The following KCNK2 variants were observed in gnomAD, a reference collection of about 807,000 sequenced individuals.
KCNK2 encodes the protein potassium channel subfamily K member 2.
A neutral mutation model predicts 40.5 loss-of-function variants in KCNK2; 21 were observed. That is an observed-to-expected ratio of 0.52 (90% CI 0.37 to 0.75). KCNK2 has a LOEUF of 0.75. Among genes scored for constraint, KCNK2 ranks in the 30% least tolerant of loss-of-function variants. The pLI, the probability that KCNK2 is intolerant of heterozygous loss-of-function variation, is 0.00. For missense variants in KCNK2, 399 were observed against 531.6 expected (o/e 0.75, Z 2.45); for synonymous variants, 191 against 202.2 (o/e 0.94, Z 0.47).
chr1:215,223,711 T>C (rs1302826763), intron 6 of KCNK2, among the ~76,000 whole-genome samples: 2 of 152,206 alleles, frequency 1.3e-5, no homozygotes, highest in African/African-American at 4.8e-5. Context: ...GGTAGCTGAC[T>C]GCAAATAATT....
chr1:215,230,476 TATACAC>T (rs772603698), intron 6 of KCNK2, among the ~76,000 whole-genome samples: 4 of 125,856 alleles, frequency 3.2e-5, no homozygotes, highest in African/African-American at 1.0e-4. Flanking sequence ...TAGATATATA[TATACAC>T]ACACACACAC....
upstream of KCNK2, among the ~76,000 whole-genome samples, chr1:215,080,864 C>T (rs1015318910): frequency 6.6e-6 from 1 of 152,130 alleles, no homozygotes; most frequent in Non-Finnish European, 1.5e-5. Context: ...TAATCAAACA[C>T]GAATCTAAAA....
intron 2 of KCNK2, among the ~76,000 whole-genome samples, chr1:215,091,900 T>C (rs1174945816): frequency 6.6e-6 from 1 of 152,064 alleles, no homozygotes; most frequent in East Asian, 1.9e-4. Flanking sequence ...ACTACAAGGA[T>C]GCTGGGATGG....
chr1:215,017,757 A>G (rs1656642245), intron 1 of KCNK2, among the ~76,000 whole-genome samples: 1 of 152,212 alleles, frequency 6.6e-6, no homozygotes. Flanking sequence ...ATGTGAGGTA[A>G]CGCATACATT....
At chr1:215,149,076 T>C (rs895171740) in intron 3 of KCNK2, among the ~76,000 whole-genome samples, 1 of 152,116 alleles carries the variant, frequency 6.6e-6, no homozygotes, top group African/African-American at 2.4e-5. Context: ...CTACAGAATA[T>C]CAAAACTGAA....
chr1:215,007,031 ATATATATGTGTG>A (rs1656160660), intron 1 of KCNK2, among the ~76,000 whole-genome samples: 1 of 79,300 alleles, frequency 1.3e-5, no homozygotes, highest in African/African-American at 5.6e-5. Context: ...ATATATATAT[ATATATATGTGTG>A]TGTGTGTATA....
chr1:215,022,759 C>T (rs1266614686), intron 1 of KCNK2, among the ~76,000 whole-genome samples: 1 of 152,138 alleles, frequency 6.6e-6, no homozygotes, highest in Non-Finnish European at 1.5e-5. Context: ...TCTGCCTTCT[C>T]CCTGATTTTT....
At chr1:215,078,672 T>G (rs910128751), upstream of KCNK2, among the ~76,000 whole-genome samples, 6 of 152,144 alleles carry the variant, frequency 3.9e-5, no homozygotes, top group African/African-American at 1.2e-4. Context: ...AGGTGAGATA[T>G]GGGTGGGGAC....
chr1:215,062,932 T>A (rs1658407803), intron 1 of KCNK2, among the ~76,000 whole-genome samples: 1 of 151,952 alleles, frequency 6.6e-6, no homozygotes, highest in African/African-American at 2.4e-5. Flanking sequence ...AGAAAACCAA[T>A]GAGGACATAC....
rs1488854995 is a variant in KCNK2 at position 215,146,598 on chromosome 1, C to G, written c.475+21848C>G. On this transcript the variant is annotated intron_variant, in intron 3 of 6. Coordinates refer to ENST00000444842, the MANE Select transcript of KCNK2 (RefSeq NM_001017425.3). ...GATGCACCTATATATACATACTTTC[C>G]CAGTCTGACAAGGTAAAACAGTGCA... 3.3e-5 allele frequency among the ~76,000 whole-genome samples: 5 copies of G among 152,048 alleles called. No individual in the cohort carries two copies. In the East Asian group the frequency reaches 9.6e-4, roughly 29 times the overall value.
intron 5 of KCNK2, among the ~76,000 whole-genome samples, chr1:215,175,086 A>G (rs181319930): frequency 6.6e-6 from 1 of 152,286 alleles, no homozygotes; most frequent in East Asian, 1.9e-4. Context: ...CCCATTCAGT[A>G]TGATATTGGC....
intron 1 of KCNK2, among the ~76,000 whole-genome samples, chr1:215,019,933 A>G (rs55651080): frequency 7.0e-6 from 1 of 141,996 alleles, no homozygotes; most frequent in Admixed American, 7.1e-5. Context: ...TAGAGGGTAC[A>G]TGAGCAGAGG....
chr1:215,140,532 T>C (rs1054185118), intron 3 of KCNK2, among the ~76,000 whole-genome samples: 1 of 152,214 alleles, frequency 6.6e-6, no homozygotes, highest in African/African-American at 2.4e-5. Flanking sequence ...AGCATGTTAC[T>C]GTACTAAGTA....
At chr1:215,107,388 A>G (rs185744421) in intron 2 of KCNK2, among the ~76,000 whole-genome samples, 2 of 152,162 alleles carry the variant, frequency 1.3e-5, no homozygotes, top group East Asian at 3.9e-4. Flanking sequence ...GCAGGATTAT[A>G]TGGTAGTTCT....
chr1:215,111,917 C>T, intron 2 of KCNK2, among the ~76,000 whole-genome samples: 1 of 114,234 alleles, frequency 8.8e-6, no homozygotes, highest in African/African-American at 5.3e-5. Context: ...AATCAGCCTG[C>T]CTAGAGATTC....
intron 1 of KCNK2, among the ~76,000 whole-genome samples, chr1:215,007,227 A>ATATATATATATATATATG (rs1337347831): frequency 7.3e-5 from 7 of 95,770 alleles, no homozygotes; most frequent in African/African-American, 1.2e-4. Flanking sequence ...ATATATATAT[A>ATATATATATATATATATG]GGCTCATTTC....
In KCNK2 at chr1:215,083,403, G is replaced by T. The variant is rs754344732; in HGVS notation, c.18G>T (p.Ser6=). 2 of 1,613,748 alleles carry T rather than the reference G, an allele frequency of 1.2e-6. No individual in the cohort carries two copies. The highest frequency in any genetic ancestry group is 2.2e-5 in the East Asian group (1 of 44,850). ...CATGCCTCATGCTTCCCAGCGCCTC[G>T]CGGGAGAGACCCGGCTATAGAGCAG... MLPSA[S]RERPGYRAGV... is the part of the protein sequence containing the mutation. Residue 6 remains serine, a synonymous_variant, in exon 1 of 7, where the codon TCG becomes TCT. Transcript: ENST00000444842.
intron 1 of KCNK2, among the ~76,000 whole-genome samples, chr1:215,021,652 T>C (rs1330807567): frequency 6.6e-6 from 1 of 150,448 alleles, no homozygotes; most frequent in Admixed American, 6.6e-5. Context: ...TTCATGCCAT[T>C]CTCCTGCCTC....
At chr1:215,016,667 A>T (rs763893900) in intron 1 of KCNK2, among the ~76,000 whole-genome samples, 1 of 152,176 alleles carries the variant, frequency 6.6e-6, no homozygotes, top group African/African-American at 2.4e-5. Context: ...AAAACATGGG[A>T]AAACTGCATG....
Sources: allele counts gnomAD v4.1 joint callset (sites outside exome capture counted in the v4.1 genomes callset), GRCh38; gene constraint gnomAD v4.1.1; transcripts MANE v1.5; gene names NCBI Gene and HGNC (gene_info 2026-07-23, HGNC 2026-07-21).